The following EEFSEC variants were observed in gnomAD, a reference collection of about 807,000 sequenced individuals.
EEFSEC encodes eukaryotic elongation factor, selenocysteine-tRNA specific, also known as selenocysteine-specific elongation factor.
In EEFSEC, 43 loss-of-function variants were observed where a neutral mutation model predicts 42.1. That is an observed-to-expected ratio of 1.02 (90% CI 0.80 to 1.32). EEFSEC has a LOEUF of 1.32. Among genes scored for constraint, EEFSEC ranks in the 40% most tolerant of loss-of-function variants. EEFSEC has a pLI of 0.00. For missense variants in EEFSEC, 745 were observed against 803.6 expected, an observed-to-expected ratio of 0.93 and a Z score of 0.88; for synonymous variants, 354 against 339.1, an observed-to-expected ratio of 1.04 and a Z score of -0.48.
chr3:128,397,133 C>T (rs1023142239), intron 6 of EEFSEC, among the ~76,000 whole-genome samples: 1 of 152,198 alleles, frequency 6.6e-6, no homozygotes, highest in African/African-American at 2.4e-5. Context: ...TGGGAAGAAA[C>T]ATCATTCTGG....
intron 6 of EEFSEC, among the ~76,000 whole-genome samples, chr3:128,371,512 C>T (rs1483106239): frequency 6.6e-6 from 1 of 152,194 alleles, no homozygotes; most frequent in Non-Finnish European, 1.5e-5. Context: ...AGTTGAGAAC[C>T]ACTGGTCTAA....
chr3:128,178,649 C>T (rs1412850797), intron 1 of EEFSEC, among the ~76,000 whole-genome samples: 31 of 152,042 alleles, frequency 2.0e-4, no homozygotes, highest in Admixed American at 2.0e-3. Context: ...TTCAAAAATT[C>T]ATACTGAATC....
chr3:128,395,940 A>C (rs543617154), intron 6 of EEFSEC, among the ~76,000 whole-genome samples: 1 of 152,296 alleles, frequency 6.6e-6, no homozygotes, highest in Admixed American at 6.5e-5. Context: ...CAGGCCAGTC[A>C]AGCTGCTGTG....
chr3:128,353,760 G>T (rs2067417858), intron 5 of EEFSEC, among the ~76,000 whole-genome samples: 1 of 152,192 alleles, frequency 6.6e-6, no homozygotes, highest in South Asian at 2.1e-4. Flanking sequence ...GTCTGAGTTG[G>T]AATGGGGCAT....
At chr3:128,237,372 C>A (rs566248790) in intron 1 of EEFSEC, among the ~76,000 whole-genome samples, 1 of 151,772 alleles carries the variant, frequency 6.6e-6, no homozygotes, top group South Asian at 2.1e-4. Context: ...TCTTTCAGTA[C>A]TTTTTTGGTT....
intron 6 of EEFSEC, among the ~76,000 whole-genome samples, chr3:128,380,075 A>G (rs1278120670): frequency 6.6e-6 from 1 of 152,200 alleles, no homozygotes; most frequent in East Asian, 1.9e-4. Context: ...GGGTGTCTAC[A>G]GCAGGGCCTG....
intron 5 of EEFSEC, among the ~76,000 whole-genome samples, chr3:128,349,767 C>A (rs191518601): frequency 6.6e-6 from 1 of 152,242 alleles, no homozygotes; most frequent in Non-Finnish European, 1.5e-5. Flanking sequence ...AGGACAAAGA[C>A]AATACCCAAC....
intron 4 of EEFSEC, among the ~76,000 whole-genome samples, chr3:128,302,600 T>C (rs1370550741): frequency 6.6e-6 from 1 of 152,086 alleles, no homozygotes; most frequent in Non-Finnish European, 1.5e-5. Context: ...CAGATAATCA[T>C]TGATTTTGTT....
At chr3:128,191,126 T>A (rs944938206) in intron 1 of EEFSEC, among the ~76,000 whole-genome samples, 1 of 152,202 alleles carries the variant, frequency 6.6e-6, no homozygotes, top group African/African-American at 2.4e-5. Context: ...GAATGTATCT[T>A]CATCATTAAG....
At chr3:128,159,813 A>G (rs888451941) in intron 1 of EEFSEC, among the ~76,000 whole-genome samples, 1 of 151,966 alleles carries the variant, frequency 6.6e-6, no homozygotes, top group Non-Finnish European at 1.5e-5. Context: ...CCACCTATCT[A>G]AAGTTGTCTC....
At chr3:128,176,080 CTG>C (rs951185160) in intron 1 of EEFSEC, among the ~76,000 whole-genome samples, 6 of 152,148 alleles carry the variant, frequency 3.9e-5, no homozygotes, top group African/African-American at 1.4e-4. Flanking sequence ...AACCTATACT[CTG>C]TAAGTGGTGT....
chr3:128,336,455 A>G (rs2067190496), intron 4 of EEFSEC, among the ~76,000 whole-genome samples: 1 of 152,038 alleles, frequency 6.6e-6, no homozygotes, highest in Non-Finnish European at 1.5e-5. Context: ...GTGCCCCATC[A>G]CTGGTGGCTT....
rs866719639 is a variant in EEFSEC at position 128,365,842 on chromosome 3, C to T, written c.1600+7469C>T. Among the ~76,000 whole-genome samples, 22 of 152,334 alleles carry T rather than the reference C, an allele frequency of 1.4e-4. 1 individual carries two copies. The South Asian group carries it at 4.6e-3, about 32-fold the overall frequency. ...TGCATGGTCAAAAACAAGGATTATA[C>T]CTTTCCCTCCTGATTGAAAACAGAA... is the stretch of plus-strand genomic sequence containing the variant. On this transcript the variant is annotated intron_variant, in intron 6 of 6. Coordinates refer to ENST00000254730, the MANE Select transcript of EEFSEC (RefSeq NM_021937.5).
chr3:128,263,177 T>G (rs1343423491), intron 3 of EEFSEC, among the ~76,000 whole-genome samples: 4 of 152,194 alleles, frequency 2.6e-5, no homozygotes, highest in Admixed American at 1.3e-4. Flanking sequence ...ACAGGATCAT[T>G]GACATTCACA....
At chr3:128,326,375 T>G (rs2067063796) in intron 4 of EEFSEC, among the ~76,000 whole-genome samples, 1 of 152,224 alleles carries the variant, frequency 6.6e-6, no homozygotes, top group African/African-American at 2.4e-5. Flanking sequence ...CCATCTCTTT[T>G]GCCCACCCCA....
intron 4 of EEFSEC, among the ~76,000 whole-genome samples, chr3:128,314,011 C>T (rs2066917977): frequency 6.6e-6 from 1 of 152,192 alleles, no homozygotes; most frequent in Admixed American, 6.5e-5. Flanking sequence ...GCTTTTATCT[C>T]CTCCACTCTA....
At chr3:128,221,949 C>G (rs2065864155) in intron 1 of EEFSEC, among the ~76,000 whole-genome samples, 1 of 149,768 alleles carries the variant, frequency 6.7e-6, no homozygotes, top group Admixed American at 6.7e-5. Context: ...TTGCCATGTG[C>G]TTTCAGATTA....
chr3:128,294,805 G>T (rs1232093722), intron 4 of EEFSEC, among the ~76,000 whole-genome samples: 4 of 152,150 alleles, frequency 2.6e-5, no homozygotes, highest in African/African-American at 9.7e-5. Flanking sequence ...CCAGACAGTT[G>T]GAATGGCAGA....
intron 5 of EEFSEC, among the ~76,000 whole-genome samples, chr3:128,344,328 A>G (rs1004741271): frequency 6.6e-6 from 1 of 152,268 alleles, no homozygotes; most frequent in Admixed American, 6.5e-5. Context: ...GGAAGAGGTC[A>G]TTATTTTTCC....
Sources: gnomAD v4.1 joint callset for allele counts (sites outside exome capture counted in the v4.1 genomes callset) on GRCh38, gnomAD v4.1.1 for gene constraint, MANE v1.5 for transcripts, NCBI Gene and HGNC (gene_info 2026-07-23, HGNC 2026-07-21) for gene names.